SAXO1: variants seen among roughly 807,000 people sequenced by gnomAD.
SAXO1 encodes 4930500O09Rik.
A neutral mutation model predicts 17.5 loss-of-function variants in SAXO1; 21 were observed. The observed-to-expected ratio is 1.20, with a 90% CI of 0.85 to 1.72. SAXO1 has a LOEUF of 1.72. SAXO1 is among the 40% of genes most tolerant of loss of function. SAXO1 has a pLI of 0.00. For synonymous variants in SAXO1, 274 were observed against 216.5 expected (o/e 1.27, Z -2.33); for missense variants, 843 against 596.0 (o/e 1.41, Z -4.32).
At chr9:19,042,921 C>A (rs1464106429) in intron 1 of SAXO1, among the ~76,000 whole-genome samples, 1 of 152,122 alleles carries the variant, frequency 6.6e-6, no homozygotes, top group Non-Finnish European at 1.5e-5. Flanking sequence ...CCTATAATAC[C>A]CGCACTTTGT....
chr9:18,974,899 A>G (rs757311489), intron 1 of SAXO1, among the ~76,000 whole-genome samples: 16 of 152,184 alleles, frequency 1.1e-4, no homozygotes, highest in Non-Finnish European at 1.9e-4. Flanking sequence ...AACAAACAGG[A>G]TATTGGTATA....
chr9:18,994,220 A>G (rs1239747519), intron 1 of SAXO1, among the ~76,000 whole-genome samples: 1 of 152,170 alleles, frequency 6.6e-6, no homozygotes, highest in Non-Finnish European at 1.5e-5. Context: ...AGCTATGCCT[A>G]TGTGGGTGTG....
rs544635912 is a variant in SAXO1, at chr9:18,963,208, A to G, written c.39-12271T>C. ...GCTGTTTTGGTTATCGTAGCCTTGT[A>G]GTATAGTTTGAAGTCAGGCAGCATG... On this transcript the variant is annotated intron_variant, in intron 1 of 3. Transcript: ENST00000380534. 2.0e-5 allele frequency among the ~76,000 whole-genome samples: 3 copies of G among 152,252 alleles called. No individual in the cohort carries two copies. In the East Asian group the frequency reaches 5.8e-4, roughly 29 times the overall value.
chr9:18,955,412 T>C (rs763688345), intron 1 of SAXO1, among the ~76,000 whole-genome samples: 18 of 152,304 alleles, frequency 1.2e-4, no homozygotes, highest in South Asian at 4.1e-4. Flanking sequence ...ACATTCCAAA[T>C]GCTCAACAGC....
intron 1 of SAXO1, among the ~76,000 whole-genome samples, chr9:18,997,569 C>T (rs1035614178): frequency 6.6e-6 from 1 of 152,264 alleles, no homozygotes; most frequent in African/African-American, 2.4e-5. Flanking sequence ...AGAGCTTCTA[C>T]AGGCTTAAAT....
chr9:19,032,987 TG>T lies in SAXO1; in HGVS notation c.-80del. On this transcript the variant is annotated 5_prime_UTR_variant, in exon 1 of 4. Transcript: ENST00000380534. ...ACTCCTAGACCCCAACCACCTGTCT[TG>T]GGGCACGCCCAGGCTCGAGGGTCTT... The T allele has an allele frequency of 1.4e-6, 2 of 1,468,564 alleles. No homozygotes were observed. Among genetic ancestry groups the T allele is most frequent in the Non-Finnish European group, 9.2e-7 (1 of 1,091,348 alleles). The allele number at this position is 1,468,564 out of a possible 1,614,324, so 91.0% of individuals were successfully genotyped here. A position where few individuals can be genotyped will look rare whatever the true frequency, so the allele number is the denominator to read the frequency against.
chr9:18,933,152 T>C (rs867419256), intron 3 of SAXO1, among the ~76,000 whole-genome samples: 4 of 151,068 alleles, frequency 2.6e-5, no homozygotes, highest in Middle Eastern at 3.4e-3. Flanking sequence ...AGTATGATGT[T>C]TTAGAAGTAC....
intron 1 of SAXO1, among the ~76,000 whole-genome samples, chr9:18,978,332 A>G (rs994104243): frequency 6.6e-6 from 1 of 152,196 alleles, no homozygotes; most frequent in African/African-American, 2.4e-5. Flanking sequence ...ATTGTGAAAC[A>G]GCAAACAGGA....
intron 2 of SAXO1, among the ~76,000 whole-genome samples, chr9:18,946,225 G>A (rs923040706): frequency 1.4e-5 from 2 of 138,966 alleles, no homozygotes; most frequent in East Asian, 2.2e-4. Flanking sequence ...GCGGTGAGCC[G>A]AGATCGTGCC....
chr9:19,031,743 C>T (rs1016938007), intron 1 of SAXO1, among the ~76,000 whole-genome samples: 3 of 152,150 alleles, frequency 2.0e-5, no homozygotes, highest in Non-Finnish European at 2.9e-5. Context: ...AGACAGTTGA[C>T]AGGGCCCACT....
In SAXO1 at chr9:18,942,411, T is replaced by C. The variant is rs370831360; in HGVS notation, c.219-572A>G. Among the ~76,000 whole-genome samples, 13 of 152,276 alleles carry C rather than the reference T, an allele frequency of 8.5e-5. No individual in the cohort carries two copies. The East Asian group carries it at 1.2e-3, about 14-fold the overall frequency. ...ACCACAATGCCACCGTTTCTACTGC[T>C]GCGCTCTCCACCTTCCTTCCACCCA... On this transcript the variant is annotated intron_variant, in intron 2 of 3. Coordinates refer to ENST00000380534, the MANE Select transcript of SAXO1 (RefSeq NM_153707.4).
chr9:18,943,317 G>A (rs577088374), intron 2 of SAXO1, among the ~76,000 whole-genome samples: 1 of 152,294 alleles, frequency 6.6e-6, no homozygotes, highest in South Asian at 2.1e-4. Context: ...CTTCCTAGGG[G>A]CCCTGCTGTT....
Position 18,927,851 on chromosome 9 carries a change from G to C in SAXO1, c.*201C>G. 1.8e-6 allele frequency: 1 copy of C among 558,812 alleles called. No homozygotes were observed. Among genetic ancestry groups the C allele is most frequent in the South Asian group, 3.2e-5 (1 of 31,202 alleles). 34.6% of individuals were successfully genotyped at this position (558,812 alleles called of 1,614,324 possible). On this transcript the variant is annotated 3_prime_UTR_variant, in exon 4 of 4. Transcript: ENST00000380534. ...GGGGATGCAGTAAAGGAGAAGGTAAGGGGAGTTAATTAGCCGGTGATTAAA... is the reference window on the plus strand; with the variant it reads ...GGGGATGCAGTAAAGGAGAAGGTAACGGGAGTTAATTAGCCGGTGATTAAA...
At chr9:19,015,263 T>G (rs1834925020) in intron 1 of SAXO1, among the ~76,000 whole-genome samples, 1 of 152,194 alleles carries the variant, frequency 6.6e-6, no homozygotes, top group African/African-American at 2.4e-5. Context: ...GCTCCTGGGC[T>G]CCAGCAATCC....
At chr9:18,949,008 C>G (rs1210102349) in intron 2 of SAXO1, among the ~76,000 whole-genome samples, 4 of 152,146 alleles carry the variant, frequency 2.6e-5, no homozygotes, top group African/African-American at 7.2e-5. Flanking sequence ...TTGGTGTTGA[C>G]CAGGGTTTCC....
At chr9:18,935,048 C>T (rs1222343605) in intron 3 of SAXO1, among the ~76,000 whole-genome samples, 2 of 152,182 alleles carry the variant, frequency 1.3e-5, no homozygotes, top group Non-Finnish European at 2.9e-5. Context: ...CTGCCTCAGC[C>T]TCCTGAGTGG....
chr9:18,960,614 C>CA (rs971394168), intron 1 of SAXO1, among the ~76,000 whole-genome samples: 14 of 152,024 alleles, frequency 9.2e-5, no homozygotes, highest in Non-Finnish European at 7.4e-5. Context: ...CCCGAATCTA[C>CA]AAAAAACAAC....
intron 2 of SAXO1, among the ~76,000 whole-genome samples, chr9:18,942,414 G>C (rs538217710): frequency 6.6e-6 from 1 of 151,974 alleles, no homozygotes; most frequent in East Asian, 1.9e-4. Context: ...CTACTGCTGC[G>C]CTCTCCACCT....
At chr9:18,932,288 C>T (rs1831087561) in intron 3 of SAXO1, among the ~76,000 whole-genome samples, 1 of 152,176 alleles carries the variant, frequency 6.6e-6, no homozygotes, top group Non-Finnish European at 1.5e-5. Flanking sequence ...AAAAGACTAT[C>T]CTCTCCCACA....
Sources: gnomAD v4.1 joint callset for allele counts (sites outside exome capture counted in the v4.1 genomes callset) on GRCh38, gnomAD v4.1.1 for gene constraint, MANE v1.5 for transcripts, NCBI Gene and HGNC (gene_info 2026-07-23, HGNC 2026-07-21) for gene names.